SEC24A: variants seen among roughly 807,000 people sequenced by gnomAD.
The protein encoded by SEC24A is protein transport protein Sec24A.
Under a neutral mutation model 129.4 loss-of-function variants are expected in SEC24A, and 93 were observed. The observed-to-expected ratio is 0.72, with a 90% CI of 0.61 to 0.85. The LOEUF is 0.85. SEC24A is among the 40% of genes least tolerant of loss of function. SEC24A has a pLI of 0.00. For missense variants in SEC24A, 1,264 were observed against 1,307.4 expected (o/e 0.97, Z 0.51); for synonymous variants, 460 against 467.3 (o/e 0.98, Z 0.20).
At chr5:134,679,411 A>G (rs1751182855) in intron 7 of SEC24A, among the ~76,000 whole-genome samples, 191 bp from the exon 8 acceptor site, 1 of 152,132 alleles carries the variant, frequency 6.6e-6, no homozygotes, top group African/African-American at 2.4e-5. Context: ...GGAGCAAAAT[A>G]GTAGGGTTTA....
rs779767324 is a variant in SEC24A, at chr5:134,682,492, T to C, written c.1491+10T>C. On this transcript the variant is annotated intron_variant, in intron 9 of 22. Coordinates refer to ENST00000398844, the MANE Select transcript of SEC24A (RefSeq NM_021982.3). Reference sequence around the variant, plus strand: ...TCCTTCAGAATACATGGTAAACTTTTATTTTTTGATACAGTATACCCATTT... The same window carrying C: ...TCCTTCAGAATACATGGTAAACTTTCATTTTTTGATACAGTATACCCATTT... 1 of 1,386,178 alleles carries C rather than the reference T, an allele frequency of 7.2e-7. No individual in the cohort carries two copies. Among genetic ancestry groups the C allele is most frequent in the African/African-American group, 1.4e-5 (1 of 70,268 alleles). 85.9% of individuals were successfully genotyped at this position (1,386,178 alleles called of 1,614,324 possible).
intron 15 of SEC24A, among the ~76,000 whole-genome samples, chr5:134,700,138 T>G (rs1468454666): frequency 6.6e-6 from 1 of 151,728 alleles, no homozygotes; most frequent in Non-Finnish European, 1.5e-5. Flanking sequence ...TGTAAGGGGG[T>G]GTGGAGCACA....
chr5:134,691,449 G>A (rs543177838), intron 11 of SEC24A, among the ~76,000 whole-genome samples: 7 of 150,984 alleles, frequency 4.6e-5, no homozygotes, highest in Non-Finnish European at 7.4e-5. Flanking sequence ...TTACAGGCAC[G>A]AGCCACCGCA....
At chr5:134,673,605 A>G (rs934861879) in intron 4 of SEC24A, among the ~76,000 whole-genome samples, 1 of 151,736 alleles carries the variant, frequency 6.6e-6, no homozygotes, top group Non-Finnish European at 1.5e-5. Flanking sequence ...CTACAGGCAC[A>G]TGCCACCACA....
intron 11 of SEC24A, among the ~76,000 whole-genome samples, chr5:134,691,548 G>C (rs957174900): frequency 2.6e-4 from 38 of 148,618 alleles, no homozygotes; most frequent in African/African-American, 9.2e-4. Flanking sequence ...TGTCACCCAG[G>C]CTGGAGTGCA....
chr5:134,705,826 C>T lies in SEC24A; in HGVS notation c.2551+389C>T, dbSNP rs572768427. Among the ~76,000 whole-genome samples, 15 of 152,082 alleles carry T rather than the reference C, an allele frequency of 9.9e-5. No homozygotes were observed. The South Asian group carries it at 2.7e-3, about 27-fold the overall frequency. ...CCCTCCCTTACTGGCCTTAAGTAAC[C>T]ACTAAACTACTTTCTGTCTCTATAT... On this transcript the variant is annotated intron_variant, in intron 17 of 22. Transcript: ENST00000398844.
intron 9 of SEC24A, among the ~76,000 whole-genome samples, chr5:134,682,805 G>A (rs1381203655): frequency 1.3e-5 from 2 of 152,114 alleles, no homozygotes; most frequent in Non-Finnish European, 2.9e-5. Flanking sequence ...GGGCTCGAGT[G>A]ATCTGCCCAC....
rs748477077 is a variant in SEC24A, at chr5:134,703,872, A to T, written c.2380A>T (p.Ser794Cys). 2 of 1,609,274 alleles carry T rather than the reference A, an allele frequency of 1.2e-6. No homozygotes were observed. The highest frequency in any genetic ancestry group is 2.2e-5 in the South Asian group (2 of 90,858). Residue 794 changes from serine to cysteine, a missense_variant, in exon 16 of 23, where the codon AGT becomes TGT. Physicochemically the swap from Ser to Cys is moderately radical, Grantham distance 112. Transcript: ENST00000398844. ...TGCAGTACAGATGTCAGTGGAAGAGAGTCTTACTGACACTCAGTTGGTTTC... is the reference window on the plus strand; with the variant it reads ...TGCAGTACAGATGTCAGTGGAAGAGTGTCTTACTGACACTCAGTTGGTTTC... ...GYAVQMSVEESLTDTQLVSFQ... is the reference protein window; with the variant it reads ...GYAVQMSVEECLTDTQLVSFQ...
At chr5:134,709,124 A>T (rs1752247639) in intron 18 of SEC24A, among the ~76,000 whole-genome samples, 1 of 152,014 alleles carries the variant, frequency 6.6e-6, no homozygotes, top group Non-Finnish European at 1.5e-5. Context: ...AGGTGGGAGG[A>T]TGGTTGAGTC....
rs1007266521 is a variant in SEC24A at position 134,682,772 on chromosome 5, G to A, written c.1491+290G>A. On this transcript the variant is annotated intron_variant, in intron 9 of 22. Transcript: ENST00000398844. ...ATTAGAGACAGAGTTTTGCTATGTT[G>A]CCCAGGCTGGTCTCGAATTCCTGGG... Among the ~76,000 whole-genome samples the A allele has an allele frequency of 2.0e-5, 3 of 151,932 alleles. No individual in the cohort carries two copies. In the South Asian group the frequency reaches 6.2e-4, roughly 31 times the overall value.
rs572874573 is a variant in SEC24A, at chr5:134,682,116, G to T, written c.1382-257G>T. ...AAATTAGCCGGGCGTGGTGGCGCAT[G>T]CCTGTAATCCTAGCTACTCGGGAGG... On this transcript the variant is annotated intron_variant, in intron 8 of 22. Coordinates refer to ENST00000398844, the MANE Select transcript of SEC24A (RefSeq NM_021982.3). Among the ~76,000 whole-genome samples the T allele has an allele frequency of 1.2e-4, 18 of 152,004 alleles. No homozygotes were observed. In the East Asian group the frequency reaches 3.5e-3, roughly 29 times the overall value.
chr5:134,712,465 T>A (rs1752355972), intron 18 of SEC24A, among the ~76,000 whole-genome samples: 1 of 152,076 alleles, frequency 6.6e-6, no homozygotes. Context: ...TTGGCCATTC[T>A]GGTCTCGAAC....
Position 134,727,780 on chromosome 5 carries a change from G to A in SEC24A, c.*2686G>A, listed in dbSNP as rs1169084943. The A allele has an allele frequency of 1.3e-5, 2 of 150,814 alleles. No individual in the cohort carries two copies. The highest frequency in any genetic ancestry group is 4.9e-5 in the African/African-American group (2 of 40,820). 9.3% of individuals were successfully genotyped at this position (150,814 alleles called of 1,614,324 possible). On this transcript the variant is annotated 3_prime_UTR_variant, in exon 23 of 23. Transcript: ENST00000398844. ...GACAAGATTTGTCTTCCTTTTTACAGTTTGTAATTTTCACTGTTTTATTCC... is the reference window on the plus strand; with the variant it reads ...GACAAGATTTGTCTTCCTTTTTACAATTTGTAATTTTCACTGTTTTATTCC...
chr5:134,692,679 G>A, intron 12 of SEC24A, 22 bp downstream of exon 12: 5 of 1,326,182 alleles, frequency 3.8e-6, no homozygotes, highest in Non-Finnish European at 5.4e-6. Flanking sequence ...TTTCCTACCT[G>A]ACATGTTTAA....
At chr5:134,706,826 G>T (rs1752172719) in intron 17 of SEC24A, among the ~76,000 whole-genome samples, 1 of 152,152 alleles carries the variant, frequency 6.6e-6, no homozygotes, top group South Asian at 2.1e-4. Context: ...AAGTAGCTGG[G>T]ACTACAGGCG....
chr5:134,679,477 G>A (rs996659130), intron 7 of SEC24A, 125 bp from the exon 8 acceptor site: 4 of 550,064 alleles, frequency 7.3e-6, no homozygotes, highest in Non-Finnish European at 9.3e-6. Context: ...GATACATCTT[G>A]TACTCTAAGT....
At position 134,662,562 on chromosome 5, in the gene SEC24A, T is replaced by C. The variant is rs117887850; in HGVS notation, c.565+976T>C. On this transcript the variant is annotated intron_variant, in intron 2 of 22. Coordinates refer to ENST00000398844, the MANE Select transcript of SEC24A (RefSeq NM_021982.3). ...CCAAGTGAAATAGTAATATCAATAG[T>C]TACCTTTTTAACCTTATGTATGTTT... Among the ~76,000 whole-genome samples, 89 of 152,306 alleles carry C rather than the reference T, an allele frequency of 5.8e-4. No homozygotes were observed. In the East Asian group the frequency reaches 0.015, roughly 26 times the overall value.
At chr5:134,692,745 T>C (rs1000611455) in intron 12 of SEC24A, 88 bp downstream of exon 12, 59 of 870,064 alleles carry the variant, frequency 6.8e-5, no homozygotes, top group Non-Finnish European at 1.0e-4. Context: ...ATTTTGATTA[T>C]TTCTGTGACA....
intron 12 of SEC24A, chr5:134,693,442 C>T (rs1208077093): frequency 2.2e-6 from 3 of 1,367,344 alleles, no homozygotes; most frequent in Non-Finnish European, 2.8e-6. Context: ...TACATCAAAT[C>T]TCTAAACTGT....
Sources: allele counts gnomAD v4.1 joint callset (sites outside exome capture counted in the v4.1 genomes callset), GRCh38; gene constraint gnomAD v4.1.1; transcripts MANE v1.5; gene names NCBI Gene and HGNC (gene_info 2026-07-23, HGNC 2026-07-21).